CYTH3: variants seen among roughly 807,000 people sequenced by gnomAD.
CYTH3 encodes the protein cytohesin 3.
CYTH3 carries 23 observed loss-of-function variants against 55.1 expected under a neutral mutation model. The ratio of observed to expected loss-of-function variants is 0.42; its 90% CI spans 0.30 to 0.59. CYTH3 has a LOEUF of 0.59. Ranked by LOEUF, CYTH3 falls within the 20% of genes least tolerant of loss-of-function variation. The pLI, the probability that CYTH3 is intolerant of heterozygous loss-of-function variation, is 0.20. For synonymous variants in CYTH3, 249 were observed against 194.9 expected (o/e 1.28, Z -2.31); for missense variants, 413 against 524.8 (o/e 0.79, Z 2.08).
intron 1 of CYTH3, among the ~76,000 whole-genome samples, chr7:6,209,057 A>G (rs1784264951): frequency 6.6e-6 from 1 of 152,222 alleles, no homozygotes; most frequent in Non-Finnish European, 1.5e-5. Context: ...CTGAATAGAT[A>G]AGTCCTTAAA....
At position 6,186,903 on chromosome 7, in the gene CYTH3, C is replaced by G. The variant is rs1783668281; in HGVS notation, c.249+147G>C. The stretch of plus-strand genomic sequence containing the variant: ...TGCTTCACCCCACTCGCGAAAAGCC[C>G]CTTTTTGATAAAAATGTGCCTTCAA... On this transcript the variant is annotated intron_variant, in intron 4 of 12. Coordinates refer to ENST00000350796, the MANE Select transcript of CYTH3 (RefSeq NM_004227.4). The G allele has an allele frequency of 3.7e-6, 3 of 808,128 alleles. No homozygotes were observed. In the Admixed American group the frequency reaches 6.4e-5, roughly 17 times the overall value. The allele number at this position is 808,128 out of a possible 1,614,324, so 50.1% of individuals were successfully genotyped here. A position where few individuals can be genotyped will look rare whatever the true frequency, so the allele number is the denominator to read the frequency against.
chr7:6,165,240 C>A (rs559043546), intron 12 of CYTH3, 33 bp downstream of exon 12: 3 of 1,589,308 alleles, frequency 1.9e-6, no homozygotes, highest in Admixed American at 3.5e-5. Flanking sequence ...CACGAGAAGA[C>A]GGGCCTGGCC....
intron 1 of CYTH3, among the ~76,000 whole-genome samples, chr7:6,195,299 T>A (rs576722869): frequency 6.6e-5 from 10 of 152,246 alleles, no homozygotes; most frequent in African/African-American, 2.4e-4. Flanking sequence ...AAGACACTAT[T>A]TTCTTCAGGT....
intron 1 of CYTH3, among the ~76,000 whole-genome samples, chr7:6,217,250 T>C (rs893157643): frequency 1.3e-5 from 2 of 152,148 alleles, no homozygotes; most frequent in South Asian, 2.1e-4. Flanking sequence ...TAAATATAAA[T>C]GTTAAATATT....
At position 6,270,471 on chromosome 7, in the gene CYTH3, T is replaced by C. The variant is rs1241832349; in HGVS notation, c.34+2003A>G. ...CTTAAAACATTCACGTCTTTGATGGTTTTTTTCCAATCTGAAATACACACT... is the reference window on the plus strand; with the variant it reads ...CTTAAAACATTCACGTCTTTGATGGCTTTTTTCCAATCTGAAATACACACT... On this transcript the variant is annotated intron_variant, in intron 1 of 12. Coordinates refer to ENST00000350796, the MANE Select transcript of CYTH3 (RefSeq NM_004227.4). Among the ~76,000 whole-genome samples the C allele has an allele frequency of 2.0e-5, 3 of 152,288 alleles. No individual in the cohort carries two copies. The East Asian group carries it at 5.8e-4, about 29-fold the overall frequency.
At chr7:6,215,194 C>T (rs1185817718) in intron 1 of CYTH3, among the ~76,000 whole-genome samples, 1 of 152,182 alleles carries the variant, frequency 6.6e-6, no homozygotes, top group Non-Finnish European at 1.5e-5. Flanking sequence ...CCAGAAAGTT[C>T]TTCCTGATTA....
intron 4 of CYTH3, among the ~76,000 whole-genome samples, chr7:6,179,267 G>C (rs940739159): frequency 6.6e-6 from 1 of 152,148 alleles, no homozygotes. Context: ...CGACACGGAA[G>C]AGTATTTCAG....
intron 1 of CYTH3, among the ~76,000 whole-genome samples, chr7:6,206,896 G>A (rs1784201054): frequency 6.6e-6 from 1 of 151,892 alleles, no homozygotes; most frequent in African/African-American, 2.4e-5. Context: ...GGACAACGGG[G>A]GAGACGATTT....
intron 1 of CYTH3, among the ~76,000 whole-genome samples, chr7:6,200,859 G>A (rs1306771742): frequency 6.6e-6 from 1 of 152,190 alleles, no homozygotes; most frequent in Non-Finnish European, 1.5e-5. Flanking sequence ...AAACTCAGGT[G>A]ATCCTCCCGC....
chr7:6,272,410 G>GGGGGGGGGGGGGGGGCGCC, intron 1 of CYTH3, 64 bp downstream of exon 1: 1 of 1,216,618 alleles, frequency 8.2e-7, no homozygotes, highest in Non-Finnish European at 1.1e-6. Flanking sequence ...CCGCGCCCTC[G>GGGGGGGGGGGGGGGGCGCC]ACCCCCAGCC....
chr7:6,230,923 A>T (rs1429467310), intron 1 of CYTH3, among the ~76,000 whole-genome samples: 1 of 152,200 alleles, frequency 6.6e-6, no homozygotes, highest in African/African-American at 2.4e-5. Flanking sequence ...TCAGGAAAAA[A>T]GTCAATAAGG....
chr7:6,214,253 C>T (rs916815071), intron 1 of CYTH3, among the ~76,000 whole-genome samples: 2 of 152,162 alleles, frequency 1.3e-5, no homozygotes, highest in African/African-American at 4.8e-5. Flanking sequence ...ACCTAAGCCA[C>T]TGTATAGCCT....
At chr7:6,239,301 C>A (rs1274380188) in intron 1 of CYTH3, among the ~76,000 whole-genome samples, 1 of 152,094 alleles carries the variant, frequency 6.6e-6, no homozygotes, top group Non-Finnish European at 1.5e-5. Flanking sequence ...GAAGACGCAG[C>A]CCTTCCTTCC....
At chr7:6,188,246 C>T (rs1194277959) in intron 2 of CYTH3, among the ~76,000 whole-genome samples, 1 of 151,748 alleles carries the variant, frequency 6.6e-6, no homozygotes, top group Non-Finnish European at 1.5e-5. Context: ...GGAGGGAGGA[C>T]TGCATGAACC....
chr7:6,211,128 C>T (rs1042563995), intron 1 of CYTH3, among the ~76,000 whole-genome samples: 1 of 152,116 alleles, frequency 6.6e-6, no homozygotes, highest in Non-Finnish European at 1.5e-5. Flanking sequence ...CTCCCTGATC[C>T]GACCCCATCT....
At chr7:6,185,486 G>GCA in intron 4 of CYTH3, among the ~76,000 whole-genome samples, 1 of 152,226 alleles carries the variant, frequency 6.6e-6, no homozygotes, top group South Asian at 2.1e-4. Context: ...CACAAGGTCA[G>GCA]GAGATCGAGA....
In CYTH3 at chr7:6,173,714, C is replaced by T; in HGVS notation, c.388G>A (p.Val130Ile). 1 of 1,605,742 alleles carries T rather than the reference C, an allele frequency of 6.2e-7. No individual in the cohort carries two copies. The highest frequency in any genetic ancestry group is 8.5e-7 in the Non-Finnish European group (1 of 1,172,376). Residue 130 changes from valine (V) to isoleucine (I), a missense_variant, in exon 6 of 13, where the codon GTT becomes ATT. By Grantham distance (29) the Val-to-Ile change is conservative. This residue lies in a region of CYTH3 where 156 missense variants were observed against 233.1 expected (regional missense o/e 0.67). Transcript: ENST00000350796. ...LGERDEFNIK[V>I]LQAFVELHEF... is the part of the protein sequence containing the mutation. ...TGGAGTTCAACAAAGGCTTGAAGAA[C>T]TTTAATATTAAATTCATCCCTGGGA...
chr7:6,255,820 G>C (rs566022656), intron 1 of CYTH3, among the ~76,000 whole-genome samples: 247 of 137,802 alleles, frequency 1.8e-3, no homozygotes, highest in African/African-American at 6.6e-3. Context: ...CTGAAGTGCA[G>C]TGGCGCGATC....
intron 1 of CYTH3, among the ~76,000 whole-genome samples, chr7:6,268,040 C>G (rs1467003449): frequency 6.6e-6 from 1 of 152,226 alleles, no homozygotes; most frequent in African/African-American, 2.4e-5. Context: ...CTTCCCCAAT[C>G]AGGTAACCAT....
Sources: allele counts gnomAD v4.1 joint callset (sites outside exome capture counted in the v4.1 genomes callset), GRCh38; gene constraint gnomAD v4.1.1; regional missense constraint gnomAD v4.1.1; transcripts MANE v1.5; gene names NCBI Gene and HGNC (gene_info 2026-07-23, HGNC 2026-07-21).